The following ATP2B2 variants were observed in gnomAD, a reference collection of about 807,000 sequenced individuals.
ATP2B2 encodes ATPase plasma membrane Ca2+ transporting 2, also known as plasma membrane calcium-transporting ATPase 2.
Under a neutral mutation model 120.0 loss-of-function variants are expected in ATP2B2, and 15 were observed. The observed-to-expected ratio is 0.12, with a 90% CI of 0.08 to 0.19. ATP2B2 has a LOEUF of 0.19. Among genes scored for constraint, ATP2B2 ranks in the 10% least tolerant of loss-of-function variants. The pLI is 1.00. For synonymous variants in ATP2B2, 694 were observed against 700.3 expected, an observed-to-expected ratio of 0.99 and a Z score of 0.14; for missense variants, 1,045 against 1,719.8, an observed-to-expected ratio of 0.61 and a Z score of 6.94.
chr3:10,506,420 G>A (rs1362643428), upstream of ATP2B2, among the ~76,000 whole-genome samples: 1 of 152,120 alleles, frequency 6.6e-6, no homozygotes, highest in African/African-American at 2.4e-5. Context: ...ACTGTGGGCT[G>A]ACTGACACTT....
chr3:10,456,584 T>C (rs11925475), intron 1 of ATP2B2, among the ~76,000 whole-genome samples: 2,165 of 152,326 alleles, frequency 0.014, 49 homozygotes, highest in African/African-American at 0.049. Context: ...GACTCTCCTA[T>C]GAAAATTTAA....
chr3:10,604,050 TC>T (rs781119408), intron 2 of ATP2B2, among the ~76,000 whole-genome samples: 2 of 152,138 alleles, frequency 1.3e-5, no homozygotes, highest in Admixed American at 6.5e-5. Context: ...CCCTCCTCCC[TC>T]TGCCTCCATA....
chr3:10,591,579 C>T (rs1276033108), intron 2 of ATP2B2, among the ~76,000 whole-genome samples: 1 of 152,196 alleles, frequency 6.6e-6, no homozygotes, highest in Non-Finnish European at 1.5e-5. Flanking sequence ...ATGTGCTCAC[C>T]TGTCTTAAAA....
chr3:10,674,703 G>T (rs2071200356), intron 1 of ATP2B2, among the ~76,000 whole-genome samples: 1 of 151,962 alleles, frequency 6.6e-6, no homozygotes, highest in African/African-American at 2.4e-5. Flanking sequence ...TCTCATTTGT[G>T]CCCTCTGTCT....
At chr3:10,521,629 G>T (rs2066987371) in intron 3 of ATP2B2, among the ~76,000 whole-genome samples, 1 of 152,224 alleles carries the variant, frequency 6.6e-6, no homozygotes, top group Non-Finnish European at 1.5e-5. Context: ...TGGGAACGGA[G>T]GTGAAATGTC....
chr3:10,547,951 T>C (rs2067587925), intron 2 of ATP2B2, among the ~76,000 whole-genome samples: 1 of 152,160 alleles, frequency 6.6e-6, no homozygotes, highest in African/African-American at 2.4e-5. Flanking sequence ...TCCATGGCAT[T>C]TGGGAGGAGC....
At chr3:10,606,828 G>C (rs1284144389) in intron 2 of ATP2B2, among the ~76,000 whole-genome samples, 1 of 150,236 alleles carries the variant, frequency 6.7e-6, no homozygotes, top group African/African-American at 2.5e-5. Flanking sequence ...GTATCCCCAG[G>C]GCCTGGCACA....
intron 2 of ATP2B2, among the ~76,000 whole-genome samples, chr3:10,611,800 C>T (rs554371927): frequency 1.8e-4 from 27 of 152,306 alleles, no homozygotes; most frequent in African/African-American, 6.5e-4. Context: ...ACCAGTGACT[C>T]CATCTCTCTA....
intron 2 of ATP2B2, among the ~76,000 whole-genome samples, chr3:10,447,212 C>T (rs1427370034): frequency 6.6e-6 from 1 of 152,232 alleles, no homozygotes; most frequent in Middle Eastern, 3.2e-3. Context: ...ACCGGGTCCT[C>T]ATCTGTGCCA....
chr3:10,374,884 C>A (rs902906513), intron 11 of ATP2B2, among the ~76,000 whole-genome samples: 3 of 152,198 alleles, frequency 2.0e-5, no homozygotes, highest in Non-Finnish European at 4.4e-5. Context: ...TGAAATCAGA[C>A]TTCCTTTTTG....
intron 2 of ATP2B2, 128 bp downstream of exon 2, chr3:10,449,217 G>T: frequency 2.8e-6 from 3 of 1,055,762 alleles, no homozygotes; most frequent in Non-Finnish European, 4.2e-6. Context: ...CACTACAATG[G>T]CCATTCTGGC....
chr3:10,604,704 C>G (rs1327452345), intron 2 of ATP2B2, among the ~76,000 whole-genome samples: 8 of 152,154 alleles, frequency 5.3e-5, no homozygotes, highest in African/African-American at 1.4e-4. Flanking sequence ...CTTGGAAGAC[C>G]AGGTAACACT....
chr3:10,385,403 C>T, intron 7 of ATP2B2, 76 bp from the exon 8 acceptor site: 1 of 1,297,894 alleles, frequency 7.7e-7, no homozygotes, highest in Non-Finnish European at 1.1e-6. Flanking sequence ...CATGAACCAA[C>T]TTGTGGGGAG....
intron 2 of ATP2B2, among the ~76,000 whole-genome samples, chr3:10,608,543 C>T (rs6790427): frequency 0.27 from 40,525 of 152,212 alleles, 6,757 homozygotes; most frequent in East Asian, 0.44. Flanking sequence ...TCTGCTGGCT[C>T]TCTGCAGCCT....
In ATP2B2 at chr3:10,340,843, GC is replaced by G; in HGVS notation, c.2918-140del. The G allele has an allele frequency of 1.2e-6, 1 of 841,798 alleles. No homozygotes were observed. The highest frequency in any genetic ancestry group is 2.0e-6 in the Non-Finnish European group (1 of 510,876). 52.1% of individuals were successfully genotyped at this position (841,798 alleles called of 1,614,324 possible). A position where few individuals can be genotyped will look rare whatever the true frequency, so the allele number is the denominator to read the frequency against. ...TCAAGGCATGCTTGGACAGTGGGGG[GC>G]CAGGGCTGTGCTGTCAGCTGGTCAG... On this transcript the variant is annotated intron_variant, in intron 19 of 22. Transcript: ENST00000360273. This position sits in a 1 kb window ranked among gnomAD's most constrained non-coding sequence, Gnocchi z 5.0.
intron 2 of ATP2B2, among the ~76,000 whole-genome samples, chr3:10,445,111 A>G (rs2063794853): frequency 6.6e-6 from 1 of 152,212 alleles, no homozygotes; most frequent in Non-Finnish European, 1.5e-5. Flanking sequence ...GATGGGGCCC[A>G]TGCATGTTTT....
chr3:10,693,351 T>C (rs1370124793), intron 1 of ATP2B2, among the ~76,000 whole-genome samples: 1 of 152,196 alleles, frequency 6.6e-6, no homozygotes, highest in African/African-American at 2.4e-5. Flanking sequence ...ATGGGTACAA[T>C]CTACTCTTTT....
At chr3:10,394,625 G>A (rs977533883) in intron 5 of ATP2B2, 23 of 437,084 alleles carry the variant, frequency 5.3e-5, no homozygotes, top group Non-Finnish European at 1.1e-4. Context: ...GGAGACGGTG[G>A]CAGTGGTGGC....
At chr3:10,598,872 C>A (rs1053829322) in intron 2 of ATP2B2, among the ~76,000 whole-genome samples, 1 of 152,254 alleles carries the variant, frequency 6.6e-6, no homozygotes, top group African/African-American at 2.4e-5. Flanking sequence ...GGAGCACACA[C>A]CAAGAGGACA....
Sources: allele counts gnomAD v4.1 joint callset (sites outside exome capture counted in the v4.1 genomes callset), GRCh38; gene constraint gnomAD v4.1.1; non-coding constraint Gnocchi (gnomAD v3.1); transcripts MANE v1.5; gene names NCBI Gene and HGNC (gene_info 2026-07-23, HGNC 2026-07-21).